XIRP2: variants seen among roughly 807,000 people sequenced by gnomAD.
XIRP2 encodes the protein xin actin-binding repeat-containing protein 2.
Under a neutral mutation model 277.0 loss-of-function variants are expected in XIRP2, and 236 were observed. That is an observed-to-expected ratio of 0.85 (90% confidence interval 0.77 to 0.95). The LOEUF (loss-of-function observed/expected upper bound fraction) is 0.95, where lower values mean the gene tolerates loss of function less well. XIRP2 is among the 40% of genes least tolerant of loss of function. The probability of loss-of-function intolerance (pLI) is 0.00; values close to 1 mark genes in which losing one functional copy is unlikely to be tolerated. For synonymous variants in XIRP2, 1,490 were observed against 1,416.5 expected, an observed-to-expected ratio of 1.05 and a Z score of -1.17; for missense variants, 4,640 against 4,157.5, an observed-to-expected ratio of 1.12 and a Z score of -3.19.
intron 3 of XIRP2, among the ~76,000 whole-genome samples, chr2:167,183,216 A>G (rs533956508): frequency 1.3e-5 from 2 of 152,336 alleles, no homozygotes; most frequent in South Asian, 4.1e-4. Context: ...TAAGACATAG[A>G]TTGCAAGTTG....
At chr2:167,008,843 G>T (rs1687576644) in intron 2 of XIRP2, among the ~76,000 whole-genome samples, 1 of 151,294 alleles carries the variant, frequency 6.6e-6, no homozygotes, top group Non-Finnish European at 1.5e-5. Flanking sequence ...TATTTTCTTA[G>T]TCACTTTGGA....
chr2:167,248,948 T>C lies in XIRP2; in HGVS notation c.7556T>C (p.Ile2519Thr). Residue 2519 changes from isoleucine to threonine, a missense_variant, in exon 9 of 11, where the codon ATA (isoleucine) becomes ACA (threonine). Transcript: ENST00000409195. ...APRKKQIAPL[I>T]KSHSFPESSG... ...AGGAAAAAACAGATTGCGCCTCTTA[T>C]AAAATCTCATTCATTTCCAGAGAGT... The C allele has an allele frequency of 1.2e-6, 2 of 1,613,834 alleles. No individual in the cohort carries two copies. The highest frequency in any genetic ancestry group is 1.7e-6 in the Non-Finnish European group (2 of 1,179,838).
At chr2:167,046,372 T>A (rs1688787497) in intron 2 of XIRP2, among the ~76,000 whole-genome samples, 1 of 151,934 alleles carries the variant, frequency 6.6e-6, no homozygotes, top group Admixed American at 6.6e-5. Flanking sequence ...TTTTTAGGTA[T>A]GTCACTTTGA....
intron 5 of XIRP2, among the ~76,000 whole-genome samples, chr2:167,228,255 G>A (rs1694662337): frequency 6.6e-6 from 1 of 152,106 alleles, no homozygotes; most frequent in South Asian, 2.1e-4. Flanking sequence ...TGTCTGCTGA[G>A]GCATGATCAT....
rs1490467506 is a variant in XIRP2, at chr2:167,248,578, T to C, written c.7186T>C (p.Tyr2396His). The change falls in exon 9 of 11, where the codon TAT becomes CAT. Residue 2396 changes from tyrosine to histidine, a missense_variant. Tyr to His is a moderately conservative substitution (Grantham distance 83, BLOSUM62 2). Transcript: ENST00000409195. Reference protein sequence around the residue: ...EKHSGDFMQQYSQKEASNSQN... With the variant: ...EKHSGDFMQQHSQKEASNSQN... ...GCACAGTGGAGACTTCATGCAACAA[T>C]ATTCCCAAAAAGAAGCCTCGAACTC... The C allele has an allele frequency of 1.9e-6, 3 of 1,613,712 alleles. No individual in the cohort carries two copies. Among genetic ancestry groups the C allele is most frequent in the Admixed American group, 1.7e-5 (1 of 59,954 alleles).
chr2:167,042,824 A>T (rs548888050), intron 2 of XIRP2, among the ~76,000 whole-genome samples: 1 of 152,174 alleles, frequency 6.6e-6, no homozygotes, highest in Non-Finnish European at 1.5e-5. Flanking sequence ...TAACAAAGAC[A>T]TTCAGTACCT....
At position 167,259,391 on chromosome 2, in the gene XIRP2, C is replaced by A; in HGVS notation, c.*1574C>A. The A allele has an allele frequency of 6.4e-7, 1 of 1,550,808 alleles. No individual in the cohort carries two copies. Among genetic ancestry groups the A allele is most frequent in the Non-Finnish European group, 8.7e-7 (1 of 1,151,078 alleles). Reference sequence around the variant, plus strand: ...TATCTATGGCCACTGACAGTCCACACTTAGGCACTGAGAGATATTGATGTT... The same window carrying A: ...TATCTATGGCCACTGACAGTCCACAATTAGGCACTGAGAGATATTGATGTT... On this transcript the variant is annotated 3_prime_UTR_variant, in exon 11 of 11. Transcript: ENST00000409195.
intron 4 of XIRP2, among the ~76,000 whole-genome samples, chr2:167,213,966 C>T (rs1559023720): frequency 6.6e-6 from 1 of 151,732 alleles, no homozygotes; most frequent in Non-Finnish European, 1.5e-5. Flanking sequence ...CCCCTGTAAT[C>T]CTAGCACTTT....
chr2:166,900,184 A>C (rs72882740), intron 1 of XIRP2, among the ~76,000 whole-genome samples: 38,044 of 151,634 alleles, frequency 0.25, 4,903 homozygotes, highest in Admixed American at 0.3. Flanking sequence ...TTTATATTCT[A>C]TGTTTTGTTC....
intron 2 of XIRP2, among the ~76,000 whole-genome samples, chr2:167,013,779 A>G (rs954588585): frequency 2.0e-5 from 3 of 151,586 alleles, no homozygotes; most frequent in Non-Finnish European, 4.4e-5. Context: ...GATATCTTAA[A>G]TATTTTATTT....
intron 2 of XIRP2, among the ~76,000 whole-genome samples, chr2:167,028,416 G>C (rs1688234928): frequency 6.6e-6 from 1 of 151,960 alleles, no homozygotes; most frequent in Admixed American, 6.6e-5. Context: ...GTGTCTGCCT[G>C]GTAATCCAAG....
intron 3 of XIRP2, among the ~76,000 whole-genome samples, chr2:167,179,696 A>G (rs961100061): frequency 6.6e-6 from 1 of 150,650 alleles, no homozygotes. Context: ...GCTGGAGTGC[A>G]GTGGCATGAT....
chr2:167,132,811 A>G (rs1558991478), intron 2 of XIRP2, among the ~76,000 whole-genome samples: 1 of 152,264 alleles, frequency 6.6e-6, no homozygotes, highest in Middle Eastern at 3.4e-3. Flanking sequence ...TTTCCCTGGG[A>G]GAGCCCTATA....
At chr2:167,162,738 C>A (rs1199107387) in intron 3 of XIRP2, among the ~76,000 whole-genome samples, 5 of 151,908 alleles carry the variant, frequency 3.3e-5, no homozygotes. Flanking sequence ...AAATACACAG[C>A]TCTTAAGTAT....
At position 167,258,457 on chromosome 2, in the gene XIRP2, T is replaced by C. The variant is rs73012065; in HGVS notation, c.*640T>C. 4.3e-6 allele frequency: 7 copies of C among 1,612,484 alleles called. No individual in the cohort carries two copies. The Admixed American group carries it at 1.0e-4, about 23-fold the overall frequency. On this transcript the variant is annotated 3_prime_UTR_variant, in exon 11 of 11. Coordinates refer to ENST00000409195, the MANE Select transcript of XIRP2 (RefSeq NM_152381.6). ...ATGAAAAGAAGGAAGGAAGGAAGAA[T>C]GTGCAAGATAGGCCGAGTGAAGCTG...
chr2:167,086,241 T>A (rs888701494), intron 2 of XIRP2, among the ~76,000 whole-genome samples: 11 of 152,304 alleles, frequency 7.2e-5, no homozygotes, highest in Middle Eastern at 3.4e-3. Context: ...GGTTGAAAAT[T>A]CTTTTCTTTA....
At chr2:166,971,302 C>T (rs376242156) in intron 2 of XIRP2, among the ~76,000 whole-genome samples, 3 of 151,896 alleles carry the variant, frequency 2.0e-5, no homozygotes, top group African/African-American at 7.3e-5. Flanking sequence ...TTCATTGTGG[C>T]TCACTCAGTG....
chr2:167,142,044 T>C (rs1691735529), intron 3 of XIRP2, among the ~76,000 whole-genome samples: 1 of 152,162 alleles, frequency 6.6e-6, no homozygotes. Flanking sequence ...AATCCTCATA[T>C]CTTGCCACTG....
intron 2 of XIRP2, among the ~76,000 whole-genome samples, chr2:167,072,362 G>A (rs1025370326): frequency 6.6e-5 from 10 of 152,112 alleles, no homozygotes; most frequent in African/African-American, 2.4e-4. Flanking sequence ...TAATAGCTAT[G>A]TAATTCTTGA....
Sources: gnomAD v4.1 joint callset for allele counts (sites outside exome capture counted in the v4.1 genomes callset) on GRCh38, gnomAD v4.1.1 for gene constraint, MANE v1.5 for transcripts, NCBI Gene and HGNC (gene_info 2026-07-23, HGNC 2026-07-21) for gene names.